CTH: variants seen among roughly 807,000 people sequenced by gnomAD.
CTH encodes cystathionase (cystathionine gamma-lyase).
In CTH, 41 loss-of-function variants were observed where a neutral mutation model predicts 50.6. The ratio of observed to expected loss-of-function variants is 0.81; its 90% CI spans 0.63 to 1.05. The LOEUF (loss-of-function observed/expected upper bound fraction) is 1.05. Among genes scored for constraint, CTH ranks in the 50% least tolerant of loss-of-function variants. The pLI is 0.00. For missense variants in CTH, 470 were observed against 492.6 expected (o/e 0.95, Z 0.43); for synonymous variants, 156 against 168.9 (o/e 0.92, Z 0.59).
intron 1 of CTH, among the ~76,000 whole-genome samples, chr1:70,411,981 G>A (rs1057502976): frequency 1.3e-5 from 2 of 152,188 alleles, no homozygotes; most frequent in African/African-American, 4.8e-5. Flanking sequence ...ATTGTTTCCA[G>A]TAGCTGTATG....
At position 70,416,423 on chromosome 1, in the gene CTH, C is replaced by T. The variant is rs370588154; in HGVS notation, c.250+386C>T. Reference sequence around the variant, plus strand: ...AATCTTTTTTTGAGACAGGGTCTCTCATTCTGTTGCTCAGGCTGGAGTGCA... The same window carrying T: ...AATCTTTTTTTGAGACAGGGTCTCTTATTCTGTTGCTCAGGCTGGAGTGCA... On this transcript the variant is annotated intron_variant, in intron 2 of 11. Transcript: ENST00000370938. Among the ~76,000 whole-genome samples the T allele has an allele frequency of 5.9e-5, 9 of 152,236 alleles. No homozygotes were observed. In the East Asian group the frequency reaches 7.7e-4, roughly 13 times the overall value.
Position 70,439,481 on chromosome 1 carries a change from A to C in CTH, c.*354A>C, listed in dbSNP as rs1315764945. On this transcript the variant is annotated 3_prime_UTR_variant, in exon 12 of 12. Transcript: ENST00000370938. The stretch of plus-strand genomic sequence containing the variant: ...GTAATTCATTTTTGATGTTTTGTGA[A>C]GAATTTAAATTTAAACGAATGTTCT... The C allele has an allele frequency of 4.7e-6, 1 of 214,970 alleles. No individual in the cohort carries two copies. The highest frequency in any genetic ancestry group is 9.3e-6 in the Non-Finnish European group (1 of 107,634). The allele number at this position is 214,970 out of a possible 1,614,324, so 13.3% of individuals were successfully genotyped here. A position where few individuals can be genotyped will look rare whatever the true frequency, so the allele number is the denominator to read the frequency against.
chr1:70,421,551 T>A lies in CTH; in HGVS notation c.347-15T>A. The A allele has an allele frequency of 1.2e-6, 2 of 1,610,898 alleles. No homozygotes were observed. Among genetic ancestry groups the A allele is most frequent in the Non-Finnish European group, 1.7e-6 (2 of 1,177,194 alleles). On this transcript the variant is annotated splice_polypyrimidine_tract_variant and intron_variant, in intron 3 of 11. Coordinates refer to ENST00000370938, the MANE Select transcript of CTH (RefSeq NM_001902.6). ...CAATGTTCTTTTCATTTTATCTGATTCCCTTCTGTCTCAGGTACAAACAGG... is the reference window on the plus strand; with the variant it reads ...CAATGTTCTTTTCATTTTATCTGATACCCTTCTGTCTCAGGTACAAACAGG...
At chr1:70,421,801 A>G (rs575808330) in intron 4 of CTH, 126 bp downstream of exon 4, 26 of 967,656 alleles carry the variant, frequency 2.7e-5, no homozygotes, top group African/African-American at 4.9e-5. Context: ...GGAAACATCA[A>G]CAAAATTAAG....
Position 70,430,355 on chromosome 1 carries a change from T to C in CTH, c.685T>C (p.Cys229Arg), listed in dbSNP as rs145785987. 307 of 1,603,694 alleles carry C rather than the reference T, an allele frequency of 1.9e-4. 1 individual carries two copies. The African/African-American group carries it at 3.7e-3, about 19-fold the overall frequency. The change falls in exon 7 of 12, where the codon TGT (cysteine) becomes CGT (arginine). Residue 229 changes from cysteine (C) to arginine (R), a missense_variant. Coordinates refer to ENST00000370938, the MANE Select transcript of CTH (RefSeq NM_001902.6). ...DVVMGLVSVNCESLHNRLRFL... is the reference protein window; with the variant it reads ...DVVMGLVSVNRESLHNRLRFL... ...TGTAATGGGCCTGGTGTCTGTTAATTGTGAAAGCCTTCATAATAGACTTCG... is the reference window on the plus strand; with the variant it reads ...TGTAATGGGCCTGGTGTCTGTTAATCGTGAAAGCCTTCATAATAGACTTCG...
At chr1:70,418,608 C>T (rs1351137630) in intron 3 of CTH, among the ~76,000 whole-genome samples, 1 of 152,168 alleles carries the variant, frequency 6.6e-6, no homozygotes, top group Non-Finnish European at 1.5e-5. Flanking sequence ...AGCACTTGAT[C>T]AACTTGCAGA....
chr1:70,432,616 A>G (rs1477074194), intron 8 of CTH, among the ~76,000 whole-genome samples: 1 of 150,864 alleles, frequency 6.6e-6, no homozygotes, highest in Admixed American at 6.6e-5. Flanking sequence ...CTTTAATCTG[A>G]TAGAGGTTTG....
In CTH at chr1:70,421,819, G is replaced by C. The variant is rs1684228857; in HGVS notation, c.456+144G>C. 7.4e-6 allele frequency: 6 copies of C among 807,618 alleles called. No individual in the cohort carries two copies. In the East Asian group the frequency reaches 1.1e-4, roughly 14 times the overall value. 50.0% of individuals were successfully genotyped at this position (807,618 alleles called of 1,614,324 possible). On this transcript the variant is annotated intron_variant, in intron 4 of 11. Transcript: ENST00000370938. ...AACATCAACAAAATTAAGATAGACTGTCATCTCCGGGGTGTTATAGCATAA... is the reference window on the plus strand; with the variant it reads ...AACATCAACAAAATTAAGATAGACTCTCATCTCCGGGGTGTTATAGCATAA...
chr1:70,422,945 A>G (rs1572259455), intron 4 of CTH, among the ~76,000 whole-genome samples: 1 of 152,160 alleles, frequency 6.6e-6, no homozygotes, highest in South Asian at 2.1e-4. Flanking sequence ...AAAGCAAATT[A>G]TGAGTACAGT....
chr1:70,425,557 T>C (rs145818642), intron 5 of CTH, among the ~76,000 whole-genome samples: 67 of 152,298 alleles, frequency 4.4e-4, no homozygotes, highest in African/African-American at 1.5e-3. Context: ...CTGCGTAATT[T>C]ATAAAGAAAG....
chr1:70,433,873 C>G lies in CTH; in HGVS notation c.923C>G (p.Thr308Arg). The change falls in exon 9 of 12, where the codon ACA (threonine) becomes AGA (arginine). Residue 308 changes from threonine (T) to arginine (R), a missense_variant. Transcript: ENST00000370938. ...PQHELVKRQC[T>R]GCTGMVTFYI... ...CATGAGTTGGTGAAGCGTCAGTGTA[C>G]AGGTTGTACAGGGATGGTCACCTTT... 1.2e-6 allele frequency: 2 copies of G among 1,614,018 alleles called. No homozygotes were observed. The highest frequency in any genetic ancestry group is 1.7e-6 in the Non-Finnish European group (2 of 1,179,966).
At chr1:70,416,200 T>G (rs1213787837) in intron 2 of CTH, among the ~76,000 whole-genome samples, 163 bp downstream of exon 2, 1 of 152,192 alleles carries the variant, frequency 6.6e-6, no homozygotes, top group Non-Finnish European at 1.5e-5. Flanking sequence ...TGGTATAATA[T>G]GCATATGTGT....
intron 11 of CTH, 67 bp downstream of exon 11, chr1:70,438,893 G>T (rs982589572): frequency 1.2e-6 from 2 of 1,603,958 alleles, no homozygotes; most frequent in East Asian, 2.2e-5. Context: ...GGCATGGGGG[G>T]TCACTATATT....
At position 70,430,353 on chromosome 1, in the gene CTH, A is replaced by C. The variant is rs571456921; in HGVS notation, c.683A>C (p.Asn228Thr). The C allele has an allele frequency of 6.2e-7, 1 of 1,604,512 alleles. No homozygotes were observed. Among genetic ancestry groups the C allele is most frequent in the African/African-American group, 1.3e-5 (1 of 74,800 alleles). Residue 228 changes from asparagine to threonine, a missense_variant, in exon 7 of 12, where the codon AAT becomes ACT. Transcript: ENST00000370938. ...SDVVMGLVSV[N>T]CESLHNRLRF... ...GTTGTAATGGGCCTGGTGTCTGTTA[A>C]TTGTGAAAGCCTTCATAATAGACTT...
chr1:70,432,460 G>A (rs1279513446), intron 8 of CTH, among the ~76,000 whole-genome samples: 1 of 152,170 alleles, frequency 6.6e-6, no homozygotes, highest in Non-Finnish European at 1.5e-5. Flanking sequence ...TGCTTGGATA[G>A]TAGAAAATCA....
At chr1:70,422,688 T>C (rs1051202830) in intron 4 of CTH, among the ~76,000 whole-genome samples, 2 of 146,776 alleles carry the variant, frequency 1.4e-5, no homozygotes, top group Non-Finnish European at 3.0e-5. Flanking sequence ...CCCAGCTCAC[T>C]GCAAGCTCTG....
At chr1:70,426,128 T>G (rs1557467965) in intron 5 of CTH, among the ~76,000 whole-genome samples, 1 of 152,202 alleles carries the variant, frequency 6.6e-6, no homozygotes, top group African/African-American at 2.4e-5. Flanking sequence ...ATCCTTTCCT[T>G]TTTTCTCTGT....
At chr1:70,414,635 A>G (rs1039488782) in intron 1 of CTH, among the ~76,000 whole-genome samples, 4 of 152,120 alleles carry the variant, frequency 2.6e-5, no homozygotes, top group African/African-American at 4.8e-5. Flanking sequence ...ATGTTATGTG[A>G]AGCAGAGGGA....
At chr1:70,413,146 ACAGT>A (rs1440213062) in intron 1 of CTH, among the ~76,000 whole-genome samples, 1 of 152,208 alleles carries the variant, frequency 6.6e-6, no homozygotes, top group East Asian at 1.9e-4. Context: ...ATCCTTACAG[ACAGT>A]CCCTTGTTTT....
Sources: allele counts gnomAD v4.1 joint callset (sites outside exome capture counted in the v4.1 genomes callset), GRCh38; gene constraint gnomAD v4.1.1; transcripts MANE v1.5; gene names NCBI Gene and HGNC (gene_info 2026-07-23, HGNC 2026-07-21).